Variants in THOC5 observed in about 807,000 individuals in gnomAD.
THOC5 encodes the protein THO complex subunit 5.
In THOC5, 43 loss-of-function variants were observed where a neutral mutation model predicts 92.9. That is an observed-to-expected ratio of 0.46 (90% CI 0.36 to 0.60). The LOEUF is 0.60. THOC5 is among the 20% of genes least tolerant of loss of function. THOC5 has a pLI of 0.00. For missense variants in THOC5, 659 were observed against 849.4 expected, an observed-to-expected ratio of 0.78 and a Z score of 2.79; for synonymous variants, 296 against 320.1, an observed-to-expected ratio of 0.92 and a Z score of 0.80.
chr22:29,522,624 T>C (rs1385679592), intron 12 of THOC5, among the ~76,000 whole-genome samples: 1 of 152,094 alleles, frequency 6.6e-6, no homozygotes, highest in Admixed American at 6.6e-5. Flanking sequence ...CTATTTATAG[T>C]CATAAAAATA....
intron 6 of THOC5, among the ~76,000 whole-genome samples, chr22:29,538,075 C>T (rs1382563032): frequency 2.6e-5 from 4 of 151,996 alleles, no homozygotes; most frequent in Non-Finnish European, 5.9e-5. Context: ...CTCTGCCTCC[C>T]GGCTTCACGC....
At chr22:29,517,406 C>G (rs1428043691) in intron 15 of THOC5, 40 bp from the exon 16 acceptor site, 1 of 1,574,024 alleles carries the variant, frequency 6.4e-7, no homozygotes, top group Non-Finnish European at 8.7e-7. Context: ...AGGTAGAAAT[C>G]AGGTGCCACA....
Position 29,519,097 on chromosome 22 carries a change from C to A in THOC5, c.1398G>T (p.Ser466=). The change falls in exon 15 of 20, where the codon TCG becomes TCT. Residue 466 remains serine, a synonymous_variant. Coordinates refer to ENST00000490103, the MANE Select transcript of THOC5 (RefSeq NM_003678.5). The part of the protein sequence containing the change: ...QPQQTVIADH[S]LSASHMETTM... ...TGGTCTCCATGTGGCTGGCGCTCAGCGAGTGGTCAGCAATCACTGTTTGCT... is the reference window on the plus strand; with the variant it reads ...TGGTCTCCATGTGGCTGGCGCTCAGAGAGTGGTCAGCAATCACTGTTTGCT... The A allele has an allele frequency of 6.2e-7, 1 of 1,610,976 alleles. No individual in the cohort carries two copies. Among genetic ancestry groups the A allele is most frequent in the Non-Finnish European group, 8.5e-7 (1 of 1,178,616 alleles).
intron 13 of THOC5, 48 bp from the exon 14 acceptor site, chr22:29,520,152 G>T: frequency 6.5e-7 from 1 of 1,545,368 alleles, no homozygotes; most frequent in South Asian, 1.2e-5. Flanking sequence ...CATTTCTGCT[G>T]TGGTCCCAGG....
chr22:29,524,084 TAAA>T (rs2063496965), intron 12 of THOC5, among the ~76,000 whole-genome samples: 1 of 152,194 alleles, frequency 6.6e-6, no homozygotes, highest in Non-Finnish European at 1.5e-5. Context: ...CCTGAAGGCC[TAAA>T]AGACCTAATC....
In THOC5 at chr22:29,539,325, G is replaced by C. The variant is rs777688390; in HGVS notation, c.599+5C>G. 3 of 1,613,222 alleles carry C rather than the reference G, an allele frequency of 1.9e-6. No homozygotes were observed. Among genetic ancestry groups the C allele is most frequent in the Non-Finnish European group, 2.5e-6 (3 of 1,179,510 alleles). On this transcript the variant is annotated splice_donor_5th_base_variant and intron_variant, in intron 6 of 19. Transcript: ENST00000490103. The stretch of plus-strand genomic sequence containing the variant: ...GTTAAAAGGTCAGGAAGGAGGAAAT[G>C]CTACCTTTTCCGCTGCTCCAGCTCC...
chr22:29,514,843 T>C (rs2063303108), intron 17 of THOC5, among the ~76,000 whole-genome samples: 1 of 150,510 alleles, frequency 6.6e-6, no homozygotes, highest in Non-Finnish European at 1.5e-5. Flanking sequence ...GTAGCTGAGA[T>C]TACAGGTGCC....
intron 12 of THOC5, among the ~76,000 whole-genome samples, chr22:29,525,568 G>A (rs2063526249): frequency 6.6e-6 from 1 of 152,160 alleles, no homozygotes; most frequent in Non-Finnish European, 1.5e-5. Flanking sequence ...GCAAAAAGCT[G>A]GTGCTCTGCC....
rs748078892 is a variant in THOC5 at position 29,505,936 on chromosome 22, T to A, written c.*2521A>T. ...GTGCAGTGGCACCATCTCGGCTCAG[T>A]GCAACCTCCGCCTCGGGGATTCAAG... On this transcript the variant is annotated 3_prime_UTR_variant, in exon 20 of 20. Coordinates refer to ENST00000490103, the MANE Select transcript of THOC5 (RefSeq NM_003678.5). 2 of 151,838 alleles carry A rather than the reference T, an allele frequency of 1.3e-5. No homozygotes were observed. Among genetic ancestry groups the A allele is most frequent in the Non-Finnish European group, 2.9e-5 (2 of 67,968 alleles). 9.4% of individuals were successfully genotyped at this position (151,838 alleles called of 1,614,324 possible). A position where few individuals can be genotyped will look rare whatever the true frequency, so the allele number is the denominator to read the frequency against.
chr22:29,523,376 A>G (rs1311363470), intron 12 of THOC5, among the ~76,000 whole-genome samples: 1 of 152,194 alleles, frequency 6.6e-6, no homozygotes, highest in Non-Finnish European at 1.5e-5. Flanking sequence ...AAATAAAGAG[A>G]GCCTGTGCCT....
rs781723592 is a variant in THOC5 at position 29,508,530 on chromosome 22, TAGG to T, written c.1989-13_1989-11del. ...CATCCTGCTAGGACCCCTAGAGAAA[TAGG>T]AGAACGGAGTTGTTAATAACACACC... On this transcript the variant is annotated splice_polypyrimidine_tract_variant and intron_variant, in intron 19 of 19. Coordinates refer to ENST00000490103, the MANE Select transcript of THOC5 (RefSeq NM_003678.5). The T allele has an allele frequency of 1.2e-6, 2 of 1,612,056 alleles. No homozygotes were observed. Among genetic ancestry groups the T allele is most frequent in the East Asian group, 2.2e-5 (1 of 44,844 alleles).
At chr22:29,546,827 AG>A in intron 2 of THOC5, among the ~76,000 whole-genome samples, 1 of 148,506 alleles carries the variant, frequency 6.7e-6, no homozygotes. Flanking sequence ...TGCTTTTAAC[AG>A]TACCCAAGTC....
At chr22:29,542,294 G>A (rs2063913302) in intron 5 of THOC5, among the ~76,000 whole-genome samples, 1 of 152,166 alleles carries the variant, frequency 6.6e-6, no homozygotes. Context: ...ACCCCTGATA[G>A]GGAGAGAGAC....
In THOC5 at chr22:29,511,315, A is replaced by C. The variant is rs1316187570; in HGVS notation, c.1798-19T>G. On this transcript the variant is annotated intron_variant, in intron 18 of 19. Transcript: ENST00000490103. ...CCATGGCCTGTGTGATAGGAAAGCC[A>C]GCATCTCAGCACTACCTTCCTGCAT... The C allele has an allele frequency of 6.2e-7, 1 of 1,602,514 alleles. No homozygotes were observed. The highest frequency in any genetic ancestry group is 1.7e-5 in the Admixed American group (1 of 59,888).
intron 6 of THOC5, among the ~76,000 whole-genome samples, chr22:29,538,540 G>A (rs923110787): frequency 2.6e-5 from 4 of 151,802 alleles, no homozygotes; most frequent in Admixed American, 2.6e-4. Flanking sequence ...ACTCACACCT[G>A]TAATCCCAGC....
chr22:29,532,543 T>C (rs1209775631), intron 7 of THOC5, among the ~76,000 whole-genome samples: 4 of 152,226 alleles, frequency 2.6e-5, no homozygotes, highest in Middle Eastern at 3.4e-3. Flanking sequence ...CATATGCCTG[T>C]AATCCCAGCT....
chr22:29,545,666 C>A (rs753772732), intron 2 of THOC5, among the ~76,000 whole-genome samples: 1 of 152,222 alleles, frequency 6.6e-6, no homozygotes, highest in Non-Finnish European at 1.5e-5. Context: ...CCAGGTCTCA[C>A]ATCCAGGTCA....
intron 3 of THOC5, among the ~76,000 whole-genome samples, chr22:29,544,064 C>T (rs145134374): frequency 1.4e-3 from 214 of 152,136 alleles, no homozygotes; most frequent in African/African-American, 4.9e-3. Context: ...TTTCTCTGCC[C>T]CTAAAACCTC....
intron 19 of THOC5, among the ~76,000 whole-genome samples, chr22:29,510,826 C>T (rs989483890): frequency 4.6e-5 from 7 of 152,178 alleles, no homozygotes; most frequent in African/African-American, 1.7e-4. Flanking sequence ...GGCGAGGATG[C>T]ACACAGTTTA....
Sources: gnomAD v4.1 joint callset for allele counts (sites outside exome capture counted in the v4.1 genomes callset) on GRCh38, gnomAD v4.1.1 for gene constraint, MANE v1.5 for transcripts, NCBI Gene and HGNC (gene_info 2026-07-23, HGNC 2026-07-21) for gene names.